The following TRIML1 variants were observed in gnomAD, a reference collection of about 807,000 sequenced individuals.
TRIML1 encodes the protein tripartite motif family like 1, also known as probable E3 ubiquitin-protein ligase TRIML1.
A neutral mutation model predicts 32.3 loss-of-function variants in TRIML1; 34 were observed. The ratio of observed to expected loss-of-function variants is 1.05; its 90% CI spans 0.80 to 1.40. TRIML1 has a LOEUF of 1.40. Ranked by LOEUF, TRIML1 falls within the 40% of genes most tolerant of loss-of-function variation. The probability of loss-of-function intolerance (pLI) is 0.00; values close to 1 mark genes in which losing one functional copy is unlikely to be tolerated. For missense variants in TRIML1, 595 were observed against 574.9 expected, an observed-to-expected ratio of 1.03 and a Z score of -0.36; for synonymous variants, 244 against 226.6, an observed-to-expected ratio of 1.08 and a Z score of -0.69.
chr4:188,141,228 C>T lies in TRIML1; in HGVS notation c.504+605C>T, dbSNP rs539520322. 2.9e-3 allele frequency among the ~76,000 whole-genome samples: 398 copies of T among 137,586 alleles called. 1 individual carries two copies. Among genetic ancestry groups the T allele is most frequent in the Non-Finnish European group, 4.7e-3 (310 of 66,294 alleles). 90.3% of individuals were successfully genotyped at this position (137,586 alleles called of 152,430 possible). Reference sequence around the variant, plus strand: ...TGTCGCCCAGGCTGGAGTGCAGTGGCGCGATCCCGGCTCACTGCAACCTCC... The same window carrying T: ...TGTCGCCCAGGCTGGAGTGCAGTGGTGCGATCCCGGCTCACTGCAACCTCC... On this transcript the variant is annotated intron_variant, in intron 2 of 5. Transcript: ENST00000332517.
At chr4:188,148,090 G>A (rs982222639), downstream of TRIML1, among the ~76,000 whole-genome samples, 2 of 152,190 alleles carry the variant, frequency 1.3e-5, no homozygotes, top group Non-Finnish European at 2.9e-5. Context: ...GATGCCAAGC[G>A]ACTATATTGC....
chr4:188,140,346 T>C (rs946079831), intron 1 of TRIML1, among the ~76,000 whole-genome samples, 182 bp from the exon 2 acceptor site: 31 of 152,150 alleles, frequency 2.0e-4, no homozygotes, highest in Non-Finnish European at 4.3e-4. Flanking sequence ...GGTCTTGAAC[T>C]CCTGACCTCA....
At chr4:188,150,681 G>C (rs1467430511), downstream of TRIML1, among the ~76,000 whole-genome samples, 5 of 151,798 alleles carry the variant, frequency 3.3e-5, no homozygotes, top group African/African-American at 9.7e-5. Context: ...TACTGACAAA[G>C]AGTCTAGCCT....
Position 188,140,516 on chromosome 4 carries a change from T to C in TRIML1, c.409-12T>C, listed in dbSNP as rs1291854222. 6.2e-7 allele frequency: 1 copy of C among 1,606,364 alleles called. No homozygotes were observed. The highest frequency in any genetic ancestry group is 8.5e-7 in the Non-Finnish European group (1 of 1,174,684). ...CTGCTCATTTGCCAGAAAGGGTTTG[T>C]TTCTATTGCAGGAGAAACTCCAGGA... On this transcript the variant is annotated splice_polypyrimidine_tract_variant and intron_variant, in intron 1 of 5. Coordinates refer to ENST00000332517, the MANE Select transcript of TRIML1 (RefSeq NM_178556.5).
chr4:188,147,714 A>C lies in TRIML1; in HGVS notation c.*342A>C, dbSNP rs1259084952. On this transcript the variant is annotated 3_prime_UTR_variant, in exon 6 of 6. Transcript: ENST00000332517. The stretch of plus-strand genomic sequence containing the variant: ...TTTTATAAATATATGTCACTTTTTC[A>C]AGTGTATTTAATTATTTGACTCTTA... 1 of 193,346 alleles carries C rather than the reference A, an allele frequency of 5.2e-6. No individual in the cohort carries two copies. The highest frequency in any genetic ancestry group is 1.0e-5 in the Non-Finnish European group (1 of 96,076). The allele number at this position is 193,346 out of a possible 1,614,324, so 12.0% of individuals were successfully genotyped here. A position where few individuals can be genotyped will look rare whatever the true frequency, so the allele number is the denominator to read the frequency against.
chr4:188,140,711 AG>A, intron 2 of TRIML1, 88 bp downstream of exon 2: 1 of 1,030,678 alleles, frequency 9.7e-7, no homozygotes, highest in East Asian at 2.4e-5. Flanking sequence ...GAAAAAAAAA[AG>A]ACAAATTTTT....
chr4:188,137,626 T>C (rs1734700329), upstream of TRIML1, among the ~76,000 whole-genome samples: 1 of 151,992 alleles, frequency 6.6e-6, no homozygotes, highest in South Asian at 2.1e-4. Context: ...TACAGGCATG[T>C]GCCACCATGC....
chr4:188,139,881 A>G lies in TRIML1; in HGVS notation c.323A>G (p.Asp108Gly). Residue 108 changes from aspartate to glycine, a missense_variant, in exon 1 of 6, where the codon GAC (aspartate) becomes GGC (glycine). Asp to Gly is a moderately conservative substitution (Grantham distance 94). Transcript: ENST00000332517. Reference protein sequence around the residue: ...MPTTAKALSDDEQGGSAFVAQ... With the variant: ...MPTTAKALSDGEQGGSAFVAQ... Reference sequence around the variant, plus strand: ...ACCACTGCCAAGGCGCTCTCCGATGACGAGCAGGGTGGAAGCGCCTTCGTA... The same window carrying G: ...ACCACTGCCAAGGCGCTCTCCGATGGCGAGCAGGGTGGAAGCGCCTTCGTA... 1 of 1,613,838 alleles carries G rather than the reference A, an allele frequency of 6.2e-7. No homozygotes were observed. The highest frequency in any genetic ancestry group is 1.3e-5 in the African/African-American group (1 of 75,044).
At chr4:188,149,554 G>A (rs919989271), downstream of TRIML1, among the ~76,000 whole-genome samples, 6 of 152,242 alleles carry the variant, frequency 3.9e-5, no homozygotes, top group South Asian at 1.2e-3. Context: ...ATCTGAATCT[G>A]CTTTCTCTTG....
In TRIML1 at chr4:188,147,209, C is replaced by A. The variant is rs1396185356; in HGVS notation, c.1244C>A (p.Ser415Tyr). 3.7e-6 allele frequency: 6 copies of A among 1,613,646 alleles called. No homozygotes were observed. Among genetic ancestry groups the A allele is most frequent in the Admixed American group, 1.7e-5 (1 of 59,954 alleles). The change falls in exon 6 of 6, where the codon TCT (serine) becomes TAT (tyrosine). Residue 415 changes from serine (S) to tyrosine (Y), a missense_variant. Physicochemically the swap from Ser to Tyr is moderately radical, Grantham distance 144. Transcript: ENST00000332517. ...GTTGGTGTCTTCCTGGACTATGAAT[C>A]TGGACATATAGCATTCTACAACGGG... ...CKVGVFLDYE[S>Y]GHIAFYNGTD...
upstream of TRIML1, among the ~76,000 whole-genome samples, chr4:188,139,043 T>C (rs1205191956): frequency 6.6e-6 from 1 of 152,192 alleles, no homozygotes. Flanking sequence ...GACTATGTAT[T>C]ACAGTTTTCT....
chr4:188,147,215 A>G lies in TRIML1; in HGVS notation c.1250A>G (p.His417Arg). 1 of 1,613,248 alleles carries G rather than the reference A, an allele frequency of 6.2e-7. No individual in the cohort carries two copies. The part of the protein sequence containing the change: ...VGVFLDYESG[H>R]IAFYNGTDES... ...GTCTTCCTGGACTATGAATCTGGAC[A>G]TATAGCATTCTACAACGGGACGGAT... Residue 417 changes from histidine to arginine, a missense_variant, in exon 6 of 6, where the codon CAT becomes CGT. His to Arg is a conservative substitution (Grantham distance 29). Coordinates refer to ENST00000332517, the MANE Select transcript of TRIML1 (RefSeq NM_178556.5).
chr4:188,149,715 C>T (rs1001252124), downstream of TRIML1, among the ~76,000 whole-genome samples: 5 of 152,198 alleles, frequency 3.3e-5, no homozygotes, highest in Admixed American at 6.5e-5. Flanking sequence ...CTTGACATCA[C>T]GCACAATCAG....
chr4:188,137,288 T>C (rs528283696), upstream of TRIML1, among the ~76,000 whole-genome samples: 307 of 148,374 alleles, frequency 2.1e-3, no homozygotes, highest in African/African-American at 7.3e-3. Context: ...GTTAGTGTTA[T>C]TGTAGTCTTT....
downstream of TRIML1, among the ~76,000 whole-genome samples, chr4:188,150,425 G>A (rs912967287): frequency 3.9e-5 from 6 of 152,154 alleles, no homozygotes; most frequent in Admixed American, 3.3e-4. Context: ...CACCGCACCT[G>A]GGCCCCACTT....
At chr4:188,150,354 C>A (rs1460054446), downstream of TRIML1, among the ~76,000 whole-genome samples, 2 of 151,984 alleles carry the variant, frequency 1.3e-5, no homozygotes, top group East Asian at 1.9e-4. Flanking sequence ...GTCTTGAATT[C>A]CTGACCTCAA....
chr4:188,147,388 C>T lies in TRIML1; in HGVS notation c.*16C>T, dbSNP rs755531858. 1 of 1,463,478 alleles carries T rather than the reference C, an allele frequency of 6.8e-7. No homozygotes were observed. The highest frequency in any genetic ancestry group is 1.6e-5 in the South Asian group (1 of 64,366). 90.7% of individuals were successfully genotyped at this position (1,463,478 alleles called of 1,614,324 possible). A position where few individuals can be genotyped will look rare whatever the true frequency, so the allele number is the denominator to read the frequency against. ...CCACGTCTGAGGGGCGTGCCCTGAG[C>T]CGTCACAGCGGGCGATGTCTGAGAC... On this transcript the variant is annotated 3_prime_UTR_variant, in exon 6 of 6. Coordinates refer to ENST00000332517, the MANE Select transcript of TRIML1 (RefSeq NM_178556.5).
intron 2 of TRIML1, among the ~76,000 whole-genome samples, chr4:188,141,163 C>CTTTTTTT (rs1734837698): frequency 9.4e-6 from 1 of 106,344 alleles, no homozygotes; most frequent in African/African-American, 3.9e-5. Context: ...ACTTTGAAAT[C>CTTTTTTT]TGTTTTTTTT....
At chr4:188,141,410 C>T (rs1734848810) in intron 2 of TRIML1, among the ~76,000 whole-genome samples, 2 of 152,060 alleles carry the variant, frequency 1.3e-5, no homozygotes, top group Admixed American at 6.6e-5. Context: ...AGGTAATCCA[C>T]CTGTCTCGGT....
Sources: allele counts gnomAD v4.1 joint callset (sites outside exome capture counted in the v4.1 genomes callset), GRCh38; gene constraint gnomAD v4.1.1; transcripts MANE v1.5; gene names NCBI Gene and HGNC (gene_info 2026-07-23, HGNC 2026-07-21).